Variants in NKAIN3 observed in about 807,000 individuals in gnomAD.
NKAIN3 encodes the protein sodium/potassium-transporting ATPase subunit beta-1-interacting protein 3.
A neutral mutation model predicts 30.2 loss-of-function variants in NKAIN3; 25 were observed. The ratio of observed to expected loss-of-function variants is 0.83; its 90% CI spans 0.60 to 1.16. The LOEUF is 1.16. Ranked by LOEUF, NKAIN3 falls within the 50% of genes most tolerant of loss-of-function variation. The pLI is 0.00. For synonymous variants in NKAIN3, 91 were observed against 89.6 expected, an observed-to-expected ratio of 1.02 and a Z score of -0.09; for missense variants, 225 against 254.1, an observed-to-expected ratio of 0.89 and a Z score of 0.78.
At chr8:62,734,944 C>G (rs953732314) in intron 3 of NKAIN3, among the ~76,000 whole-genome samples, 1 of 152,202 alleles carries the variant, frequency 6.6e-6, no homozygotes, top group African/African-American at 2.4e-5. Context: ...TCCCTTCTGG[C>G]TTGTGCGGTT....
intron 4 of NKAIN3, among the ~76,000 whole-genome samples, chr8:62,853,590 T>C (rs1819975305): frequency 6.6e-6 from 1 of 152,192 alleles, no homozygotes. Flanking sequence ...ATTTGAATCT[T>C]CTCTATGTTT....
At position 62,968,178 on chromosome 8, in the gene NKAIN3, T is replaced by G. The variant is rs1443090932; in HGVS notation, c.*2771T>G. On this transcript the variant is annotated 3_prime_UTR_variant, in exon 7 of 7. Coordinates refer to ENST00000623646, the MANE Select transcript of NKAIN3 (RefSeq NM_001304533.3). Reference sequence around the variant, plus strand: ...TCTTCTCTCTTTTCTTCTCCCTGCCTTTCATCTTCCTGGTTTCTCTTTGAG... The same window carrying G: ...TCTTCTCTCTTTTCTTCTCCCTGCCGTTCATCTTCCTGGTTTCTCTTTGAG... 6.6e-6 allele frequency among the ~76,000 whole-genome samples: 1 copy of G among 152,212 alleles called. No individual in the cohort carries two copies. The highest frequency in any genetic ancestry group is 2.4e-5 in the African/African-American group (1 of 41,460).
At chr8:62,330,859 A>G (rs1283544649) in intron 1 of NKAIN3, among the ~76,000 whole-genome samples, 1 of 151,852 alleles carries the variant, frequency 6.6e-6, no homozygotes, top group Non-Finnish European at 1.5e-5. Context: ...TACCAGGCCC[A>G]TTCAAAACAC....
intron 1 of NKAIN3, among the ~76,000 whole-genome samples, chr8:62,523,523 T>C (rs1808216256): frequency 6.6e-6 from 1 of 152,158 alleles, no homozygotes; most frequent in South Asian, 2.1e-4. Flanking sequence ...AGTGAATGAC[T>C]AGGCAAACTT....
intron 1 of NKAIN3, among the ~76,000 whole-genome samples, chr8:62,420,240 T>C (rs1156969290): frequency 2.0e-5 from 3 of 152,224 alleles, no homozygotes; most frequent in Non-Finnish European, 4.4e-5. Flanking sequence ...AATTTACTCA[T>C]GCTTTCTGGA....
intron 4 of NKAIN3, among the ~76,000 whole-genome samples, chr8:62,837,386 C>T (rs1390573763): frequency 2.0e-5 from 3 of 152,130 alleles, no homozygotes; most frequent in African/African-American, 2.4e-5. Flanking sequence ...GCGGAGGAAA[C>T]GCCCTTATAG....
Position 62,666,086 on chromosome 8 carries a change from C to T in NKAIN3, c.273+76292C>T, listed in dbSNP as rs188755347. Among the ~76,000 whole-genome samples, 452 of 151,984 alleles carry T rather than the reference C, an allele frequency of 3.0e-3. 2 individuals are homozygous for T. The highest frequency in any genetic ancestry group is 0.01 in the African/African-American group (432 of 41,474). On this transcript the variant is annotated intron_variant, in intron 3 of 6. Coordinates refer to ENST00000623646, the MANE Select transcript of NKAIN3 (RefSeq NM_001304533.3). ...AAAAGTAGCTGGGCGTGGTGGTGGGCGCCTGTAATCCCAGCTACTCAGGAG... is the reference window on the plus strand; with the variant it reads ...AAAAGTAGCTGGGCGTGGTGGTGGGTGCCTGTAATCCCAGCTACTCAGGAG...
intron 1 of NKAIN3, among the ~76,000 whole-genome samples, chr8:62,562,353 G>A (rs1313999946): frequency 6.6e-6 from 1 of 152,098 alleles, no homozygotes; most frequent in Non-Finnish European, 1.5e-5. Context: ...TAAAGTTGAC[G>A]AAGACCGTTT....
intron 3 of NKAIN3, among the ~76,000 whole-genome samples, chr8:62,669,626 GT>G (rs1218929646): frequency 6.6e-6 from 1 of 152,156 alleles, no homozygotes; most frequent in Non-Finnish European, 1.5e-5. Context: ...TCATTGCCAA[GT>G]TATGTCAAAG....
intron 4 of NKAIN3, among the ~76,000 whole-genome samples, chr8:62,824,047 T>G (rs1331998978): frequency 6.6e-6 from 1 of 152,156 alleles, no homozygotes; most frequent in East Asian, 1.9e-4. Flanking sequence ...CATCAGGCAA[T>G]TCCATGGGAA....
intron 4 of NKAIN3, among the ~76,000 whole-genome samples, chr8:62,765,262 A>AAAAAAAAAAAG (rs1554575779): frequency 7.3e-6 from 1 of 137,552 alleles, no homozygotes; most frequent in Non-Finnish European, 1.5e-5. Context: ...AAAAAAAAAA[A>AAAAAAAAAAAG]AAAAGAAAAG....
At chr8:62,426,372 G>A (rs1170237418) in intron 1 of NKAIN3, among the ~76,000 whole-genome samples, 1 of 151,918 alleles carries the variant, frequency 6.6e-6, no homozygotes, top group Non-Finnish European at 1.5e-5. Context: ...TTAAAAGCTA[G>A]TTACTTCAGA....
At chr8:62,587,223 T>C (rs567432571) in intron 2 of NKAIN3, among the ~76,000 whole-genome samples, 1 of 152,068 alleles carries the variant, frequency 6.6e-6, no homozygotes, top group South Asian at 2.1e-4. Flanking sequence ...CACATTAAGG[T>C]ATACTTCATA....
At chr8:62,382,810 C>T (rs1479347141) in intron 1 of NKAIN3, among the ~76,000 whole-genome samples, 1 of 152,124 alleles carries the variant, frequency 6.6e-6, no homozygotes, top group African/African-American at 2.4e-5. Flanking sequence ...ACCCTTCACG[C>T]TCCACCTTTT....
chr8:62,755,702 T>C (rs536810665), intron 4 of NKAIN3, among the ~76,000 whole-genome samples: 1 of 152,260 alleles, frequency 6.6e-6, no homozygotes, highest in South Asian at 2.1e-4. Flanking sequence ...TTTGAGCTGC[T>C]TCTAAGTGCT....
chr8:62,642,041 C>G lies in NKAIN3; in HGVS notation c.273+52247C>G, dbSNP rs569480547. On this transcript the variant is annotated intron_variant, in intron 3 of 6. Coordinates refer to ENST00000623646, the MANE Select transcript of NKAIN3 (RefSeq NM_001304533.3). ...GATATATGGATGAAACAAATCAGAC[C>G]ATGCAACCGCACTGCACTCCTGGGA... Among the ~76,000 whole-genome samples the G allele has an allele frequency of 2.5e-3, 376 of 152,086 alleles. 3 individuals carry two copies. Among genetic ancestry groups the G allele is most frequent in the African/African-American group, 8.9e-3 (368 of 41,510 alleles).
In NKAIN3 at chr8:62,870,827, G is replaced by A. The variant is rs182156565; in HGVS notation, c.472-47626G>A. 1.6e-3 allele frequency among the ~76,000 whole-genome samples: 237 copies of A among 149,726 alleles called. 2 individuals are homozygous for A. The highest frequency in any genetic ancestry group is 5.1e-3 in the African/African-American group (207 of 40,814). Reference sequence around the variant, plus strand: ...TCTGGAATGCCCTGGTTAATATAAGGACTTTTAAAGAAATAGATGTGCATT... The same window carrying A: ...TCTGGAATGCCCTGGTTAATATAAGAACTTTTAAAGAAATAGATGTGCATT... On this transcript the variant is annotated intron_variant, in intron 4 of 6. Transcript: ENST00000623646.
chr8:62,431,739 G>A (rs1306677941), intron 1 of NKAIN3, among the ~76,000 whole-genome samples: 1 of 151,524 alleles, frequency 6.6e-6, no homozygotes, highest in East Asian at 1.9e-4. Flanking sequence ...AAAAAAGAAG[G>A]TGATTTATTT....
intron 3 of NKAIN3, among the ~76,000 whole-genome samples, chr8:62,622,518 G>T (rs139262393): frequency 6.6e-6 from 1 of 151,756 alleles, no homozygotes; most frequent in Admixed American, 6.6e-5. Flanking sequence ...GCTTTAATTC[G>T]CATTTCCTTA....
Sources: allele counts gnomAD v4.1 joint callset (sites outside exome capture counted in the v4.1 genomes callset), GRCh38; gene constraint gnomAD v4.1.1; transcripts MANE v1.5; gene names NCBI Gene and HGNC (gene_info 2026-07-23, HGNC 2026-07-21).